Variants in XRCC4 observed in about 807,000 individuals in gnomAD.
XRCC4 encodes the protein DNA repair protein XRCC4.
In XRCC4, 28 loss-of-function variants were observed where a neutral mutation model predicts 39.1. The observed-to-expected ratio is 0.72, with a 90% CI of 0.53 to 0.98. The LOEUF (loss-of-function observed/expected upper bound fraction) is 0.98, where lower values mean the gene tolerates loss of function less well. Ranked by LOEUF, XRCC4 falls within the 50% of genes least tolerant of loss-of-function variation. The pLI, the probability that XRCC4 is intolerant of heterozygous loss-of-function variation, is 0.00. For missense variants in XRCC4, 350 were observed against 376.4 expected (o/e 0.93, Z 0.58); for synonymous variants, 123 against 126.4 (o/e 0.97, Z 0.18).
At chr5:83,297,647 G>A (rs1755141426) in intron 7 of XRCC4, among the ~76,000 whole-genome samples, 1 of 146,954 alleles carries the variant, frequency 6.8e-6, no homozygotes, top group Admixed American at 6.6e-5. Flanking sequence ...ATATTATAGA[G>A]TAAGATTATA....
At chr5:83,171,497 A>G (rs1749723123) in intron 3 of XRCC4, among the ~76,000 whole-genome samples, 1 of 152,148 alleles carries the variant, frequency 6.6e-6, no homozygotes. Flanking sequence ...AAAAAATCTA[A>G]GTTTCTGGCT....
intron 7 of XRCC4, among the ~76,000 whole-genome samples, chr5:83,347,588 C>T (rs1267547023): frequency 2.6e-5 from 4 of 152,190 alleles, no homozygotes; most frequent in Non-Finnish European, 5.9e-5. Flanking sequence ...GATCCAGTCA[C>T]TTCCCACCAG....
At chr5:83,344,980 A>G (rs1756876240) in intron 7 of XRCC4, among the ~76,000 whole-genome samples, 1 of 152,068 alleles carries the variant, frequency 6.6e-6, no homozygotes, top group Non-Finnish European at 1.5e-5. Flanking sequence ...TTTAATTTGC[A>G]TTTCCTTGGT....
At chr5:83,364,695 G>A in the XRCC4 span, among the ~76,000 whole-genome samples, 12 of 152,174 alleles carry the variant, frequency 7.9e-5, no homozygotes, top group East Asian at 7.7e-4. Context: ...TACAGCAGCC[G>A]TTCCTTATAA....
At chr5:83,254,088 T>G (rs551126866) in intron 6 of XRCC4, among the ~76,000 whole-genome samples, 1 of 150,424 alleles carries the variant, frequency 6.6e-6, no homozygotes, top group East Asian at 1.9e-4. Flanking sequence ...TTTGTTTTTT[T>G]TTTTTTCTTT....
At chr5:83,269,484 A>G (rs1754064012) in intron 7 of XRCC4, among the ~76,000 whole-genome samples, 1 of 151,268 alleles carries the variant, frequency 6.6e-6, no homozygotes, top group African/African-American at 2.4e-5. Flanking sequence ...AGGCACAAAT[A>G]ACAAAGAAAA....
chr5:83,356,365 A>C (rs1757190141), downstream of XRCC4, among the ~76,000 whole-genome samples: 2 of 152,160 alleles, frequency 1.3e-5, no homozygotes, highest in African/African-American at 2.4e-5. Context: ...AGTGAAAGAG[A>C]AGAAATTTTC....
At chr5:83,127,939 A>T (rs6884543) in intron 3 of XRCC4, among the ~76,000 whole-genome samples, 72,005 of 141,592 alleles carry the variant, frequency 0.51, 18,191 homozygotes, top group African/African-American at 0.64. Flanking sequence ...TAGTTTTGTT[A>T]GTTTGTTTGT....
At chr5:83,089,619 C>G (rs1745330386) in intron 1 of XRCC4, among the ~76,000 whole-genome samples, 1 of 152,114 alleles carries the variant, frequency 6.6e-6, no homozygotes, top group Non-Finnish European at 1.5e-5. Flanking sequence ...CCTGAGTCAC[C>G]TATACTTTTG....
intron 7 of XRCC4, among the ~76,000 whole-genome samples, chr5:83,299,231 G>A (rs537789417): frequency 1.3e-5 from 2 of 152,042 alleles, no homozygotes; most frequent in Admixed American, 6.6e-5. Context: ...AGCATTCAAA[G>A]ATTTAATTTC....
chr5:83,176,654 ACT>A (rs943014642), intron 3 of XRCC4, among the ~76,000 whole-genome samples: 3 of 145,550 alleles, frequency 2.1e-5, no homozygotes, highest in Non-Finnish European at 4.5e-5. Flanking sequence ...ACAAGGTCTC[ACT>A]CTGTCACCCA....
At chr5:83,222,930 TAGAGATGAG>T (rs1191886814) in intron 6 of XRCC4, among the ~76,000 whole-genome samples, 1 of 152,062 alleles carries the variant, frequency 6.6e-6, no homozygotes, top group Non-Finnish European at 1.5e-5. Flanking sequence ...GTAGTTTTTG[TAGAGATGAG>T]ATTTTGCCAT....
At chr5:83,186,895 G>A (rs1033169307) in intron 3 of XRCC4, among the ~76,000 whole-genome samples, 5 of 150,934 alleles carry the variant, frequency 3.3e-5, no homozygotes, top group Non-Finnish European at 4.4e-5. Context: ...GTCTTTCCCC[G>A]TTTCTAGAAA....
intron 3 of XRCC4, among the ~76,000 whole-genome samples, chr5:83,180,233 T>C (rs570193516): frequency 6.6e-6 from 1 of 152,270 alleles, no homozygotes; most frequent in Non-Finnish European, 1.5e-5. Flanking sequence ...CTGGATTATA[T>C]GGAGAAGCTT....
chr5:83,341,616 A>G (rs952064853), intron 7 of XRCC4, among the ~76,000 whole-genome samples: 9 of 152,106 alleles, frequency 5.9e-5, no homozygotes, highest in African/African-American at 9.7e-5. Flanking sequence ...TCAGAAGAAA[A>G]AAACATCCTC....
chr5:83,164,272 G>A (rs1240300796), intron 3 of XRCC4, among the ~76,000 whole-genome samples: 1 of 152,016 alleles, frequency 6.6e-6, no homozygotes, highest in East Asian at 1.9e-4. Flanking sequence ...CAGCCCATGA[G>A]TGAATTTCAA....
At position 83,118,478 on chromosome 5, in the gene XRCC4, AT is replaced by A. The variant is rs1746847850; in HGVS notation, c.315+7280del. On this transcript the variant is annotated intron_variant, in intron 3 of 7. Transcript: ENST00000396027. ...AGTGTGCCCAACAGTCTACTTTGTA[AT>A]TTTTAACAGGTAGTTTTTATTTCAT... 8.5e-5 allele frequency among the ~76,000 whole-genome samples: 13 copies of A among 152,226 alleles called. No homozygotes were observed. The South Asian group carries it at 2.7e-3, about 32-fold the overall frequency.
chr5:83,238,943 A>G lies in XRCC4; in HGVS notation c.746-19587A>G, dbSNP rs545089745. Among the ~76,000 whole-genome samples the G allele has an allele frequency of 5.3e-5, 8 of 152,348 alleles. No homozygotes were observed. The South Asian group carries it at 6.2e-4, about 12-fold the overall frequency. ...GAGTGATAAGTTTCAGGCAGCTCTG[A>G]AGTAGGCTGGTATCTCTTTAGAAAA... On this transcript the variant is annotated intron_variant, in intron 6 of 7. Coordinates refer to ENST00000396027, the MANE Select transcript of XRCC4 (RefSeq NM_003401.5).
chr5:83,366,377 C>T, the XRCC4 span, among the ~76,000 whole-genome samples: 1 of 152,140 alleles, frequency 6.6e-6, no homozygotes, highest in African/African-American at 2.4e-5. Context: ...TCCCAACCTA[C>T]ATCCAATTCA....
Sources: allele counts gnomAD v4.1 joint callset (sites outside exome capture counted in the v4.1 genomes callset), GRCh38; gene constraint gnomAD v4.1.1; transcripts MANE v1.5; gene names NCBI Gene and HGNC (gene_info 2026-07-23, HGNC 2026-07-21).